The following PLIN1 variants were observed in gnomAD, a reference collection of about 807,000 sequenced individuals.
PLIN1 encodes the protein perilipin 1.
PLIN1 carries 37 observed loss-of-function variants against 45.8 expected under a neutral mutation model. The ratio of observed to expected loss-of-function variants is 0.81; its 90% CI spans 0.62 to 1.06. The LOEUF (loss-of-function observed/expected upper bound fraction) is 1.06. PLIN1 is among the 50% of genes least tolerant of loss of function. The pLI is 0.00. For synonymous variants in PLIN1, 340 were observed against 309.2 expected (o/e 1.10, Z -1.05); for missense variants, 776 against 716.5 (o/e 1.08, Z -0.95).
At chr15:89,669,473 C>A (rs770301566) in intron 6 of PLIN1, 27 bp downstream of exon 6, 2 of 1,599,994 alleles carry the variant, frequency 1.3e-6, no homozygotes, top group Admixed American at 3.3e-5. Context: ...GGCACCGGGT[C>A]AGTCAGAGCT....
At chr15:89,675,109 C>T (rs4932243) in intron 2 of PLIN1, among the ~76,000 whole-genome samples, 81,987 of 151,816 alleles carry the variant, frequency 0.54, 23,242 homozygotes, top group Non-Finnish European at 0.65. Context: ...GAATGACACC[C>T]TGTCTCAAAA....
At chr15:89,669,940 G>A in intron 5 of PLIN1, 40 bp downstream of exon 5, 1 of 1,587,472 alleles carries the variant, frequency 6.3e-7, no homozygotes, top group South Asian at 1.1e-5. Context: ...CAGTGTGTGT[G>A]ACAACTCACT....
chr15:89,666,880 T>A (rs1015420419), intron 8 of PLIN1, 56 bp downstream of exon 8: 10 of 1,604,804 alleles, frequency 6.2e-6, no homozygotes, highest in Non-Finnish European at 8.5e-6. Context: ...ATCTACTTTA[T>A]CTGCCATGTC....
intron 3 of PLIN1, among the ~76,000 whole-genome samples, chr15:89,672,219 G>A (rs138908570): frequency 8.5e-5 from 13 of 152,368 alleles, no homozygotes; most frequent in Non-Finnish European, 1.3e-4. Context: ...AGTTGCCCCC[G>A]GAGAGTGGGC....
intron 2 of PLIN1, chr15:89,676,476 T>G (rs1964520062): frequency 6.6e-6 from 1 of 152,266 alleles, no homozygotes; most frequent in Non-Finnish European, 1.5e-5. Context: ...CTTGATCTCC[T>G]GACCTTGTGA....
rs975677599 is a variant in PLIN1, at chr15:89,669,973, C to G, written c.598+7G>C. On this transcript the variant is annotated splice_region_variant and intron_variant, in intron 5 of 8. Transcript: ENST00000300055. Reference sequence around the variant, plus strand: ...ACTCCCAGGCCGAGCCTCCGAATGGCAGGTACCTGACTCTTCCTTGTCTGG... The same window carrying G: ...ACTCCCAGGCCGAGCCTCCGAATGGGAGGTACCTGACTCTTCCTTGTCTGG... 1 of 1,608,808 alleles carries G rather than the reference C, an allele frequency of 6.2e-7. No homozygotes were observed. The highest frequency in any genetic ancestry group is 8.5e-7 in the Non-Finnish European group (1 of 1,178,856).
At chr15:89,666,911 A>C in intron 8 of PLIN1, 25 bp downstream of exon 8, 4 of 1,613,376 alleles carry the variant, frequency 2.5e-6, no homozygotes, top group African/African-American at 1.3e-5. Context: ...TGGGACACTA[A>C]CAGTTTGCCA....
At position 89,673,302 on chromosome 15, in the gene PLIN1, G is replaced by C. The variant is rs992968490; in HGVS notation, c.158C>G (p.Ser53Cys). Residue 53 changes from serine (S) to cysteine (C), a missense_variant, in exon 3 of 9, where the codon TCT (serine) becomes TGT (cysteine). Ser to Cys is a moderately radical substitution (Grantham distance 112). Transcript: ENST00000300055. The stretch of plus-strand genomic sequence containing the variant: ...GCCCTTCTCATAGGCATTGCACACA[G>C]AGGCCACCAGGGGGTGGGCTTCCTT... Reference protein sequence around the residue: ...STKEAHPLVASVCNAYEKGVQ... With the variant: ...STKEAHPLVACVCNAYEKGVQ... 31 of 1,588,212 alleles carry C rather than the reference G, an allele frequency of 2.0e-5. No homozygotes were observed. Among genetic ancestry groups the C allele is most frequent in the Non-Finnish European group, 2.1e-5 (25 of 1,166,388 alleles).
intron 2 of PLIN1, among the ~76,000 whole-genome samples, chr15:89,674,195 G>C (rs1311463957): frequency 1.3e-5 from 2 of 152,228 alleles, no homozygotes; most frequent in African/African-American, 4.8e-5. Context: ...CAGAATCTTA[G>C]GGGACTTTGT....
intron 1 of PLIN1, among the ~76,000 whole-genome samples, chr15:89,678,496 G>GGA (rs1379295114): frequency 1.3e-5 from 2 of 151,478 alleles, no homozygotes; most frequent in African/African-American, 4.9e-5. Flanking sequence ...GGTGACAGAG[G>GGA]GAGACTCTGT....
chr15:89,665,540 A>G lies in PLIN1; in HGVS notation c.*43T>C. 1.3e-6 allele frequency: 2 copies of G among 1,518,128 alleles called. No individual in the cohort carries two copies. Among genetic ancestry groups the G allele is most frequent in the South Asian group, 1.2e-5 (1 of 82,352 alleles). 94.0% of individuals were successfully genotyped at this position (1,518,128 alleles called of 1,614,324 possible). A position where few individuals can be genotyped will look rare whatever the true frequency, so the allele number is the denominator to read the frequency against. ...GCAGTGCGGGTTCTGTTTATTTGTT[A>G]GAGAAACCCGCCGGCCCGGGGCGCG... On this transcript the variant is annotated 3_prime_UTR_variant, in exon 9 of 9. Transcript: ENST00000300055.
chr15:89,671,777 T>A (rs1266214169), intron 3 of PLIN1, among the ~76,000 whole-genome samples: 1 of 152,110 alleles, frequency 6.6e-6, no homozygotes, highest in Non-Finnish European at 1.5e-5. Context: ...GTGTGGGAAC[T>A]CTGGAGTCGC....
chr15:89,676,403 A>G (rs546920778), intron 2 of PLIN1, among the ~76,000 whole-genome samples: 3 of 152,174 alleles, frequency 2.0e-5, no homozygotes, highest in East Asian at 3.9e-4. Flanking sequence ...GCCCGCCACC[A>G]TACCCCGCTG....
intron 1 of PLIN1, 143 bp from the exon 2 acceptor site, chr15:89,677,646 G>C (rs1964539067): frequency 1.3e-6 from 1 of 762,092 alleles, no homozygotes; most frequent in South Asian, 1.4e-5. Context: ...AGGTTGGAGG[G>C]TGAATATCAC....
rs751004182 is a variant in PLIN1 at position 89,670,251 on chromosome 15, G to T, written c.334-7C>A. ...CCTTCAGCTCAGAAGCAATCTGGGGGAAGTTGGTGGGGGTGTTAGGCATGT... is the reference window on the plus strand; with the variant it reads ...CCTTCAGCTCAGAAGCAATCTGGGGTAAGTTGGTGGGGGTGTTAGGCATGT... On this transcript the variant is annotated splice_polypyrimidine_tract_variant and splice_region_variant and intron_variant, in intron 4 of 8. Transcript: ENST00000300055. 14 of 1,608,916 alleles carry T rather than the reference G, an allele frequency of 8.7e-6. No individual in the cohort carries two copies. The highest frequency in any genetic ancestry group is 1.7e-4 in the Middle Eastern group (1 of 6,040).
chr15:89,669,717 G>A (rs1352317879), intron 5 of PLIN1, 45 bp from the exon 6 acceptor site: 1 of 1,583,510 alleles, frequency 6.3e-7, no homozygotes, highest in Non-Finnish European at 8.7e-7. Context: ...AGGTCAGAGA[G>A]GGGCCGGAGA....
chr15:89,677,674 C>G, intron 1 of PLIN1, 171 bp from the exon 2 acceptor site: 1 of 698,652 alleles, frequency 1.4e-6, no homozygotes, highest in Non-Finnish European at 2.6e-6. Flanking sequence ...AGCCCCACTC[C>G]TTAGGGTCCC....
In PLIN1 at chr15:89,670,043, A is replaced by G. The variant is rs149266528; in HGVS notation, c.535T>C (p.Leu179=). The change falls in exon 5 of 9, where the codon TTG becomes CTG. Residue 179 remains leucine (L), a synonymous_variant. Transcript: ENST00000300055. The stretch of plus-strand genomic sequence containing the variant: ...ACCTTCTCAATGCTGCCCAAGGCCA[A>G]GTCGGCCCCTCCAGAAGCCAGTCGG... ...AGRLASGGAD[L]ALGSIEKVVE... 3.6e-5 allele frequency: 58 copies of G among 1,614,000 alleles called. No individual in the cohort carries two copies. In the African/African-American group the frequency reaches 7.3e-4, roughly 20 times the overall value.
In PLIN1 at chr15:89,665,795, G is replaced by C; in HGVS notation, c.1357C>G (p.Arg453Gly). 7.7e-7 allele frequency: 1 copy of C among 1,300,418 alleles called. No individual in the cohort carries two copies. Among genetic ancestry groups the C allele is most frequent in the Non-Finnish European group, 9.7e-7 (1 of 1,027,166 alleles). The allele number at this position is 1,300,418 out of a possible 1,614,324, so 80.6% of individuals were successfully genotyped here. ...PEPAPRLAQP[R>G]RSLRSAQSPG... Reference sequence around the variant, plus strand: ...CTCTGCGCGCTGCGCAGGCTGCGGCGGGGCTGTGCGAGACGCGGGGCGGGC... The same window carrying C: ...CTCTGCGCGCTGCGCAGGCTGCGGCCGGGCTGTGCGAGACGCGGGGCGGGC... Residue 453 changes from arginine to glycine, a missense_variant, in exon 9 of 9, where the codon CGC becomes GGC. Arg to Gly is a moderately radical substitution (Grantham distance 125). Coordinates refer to ENST00000300055, the MANE Select transcript of PLIN1 (RefSeq NM_002666.5).
Sources: allele counts gnomAD v4.1 joint callset (sites outside exome capture counted in the v4.1 genomes callset), GRCh38; gene constraint gnomAD v4.1.1; transcripts MANE v1.5; gene names NCBI Gene and HGNC (gene_info 2026-07-23, HGNC 2026-07-21).